The following PDGFD variants were observed in gnomAD, a reference collection of about 807,000 sequenced individuals.
The protein encoded by PDGFD is platelet derived growth factor D, also known as platelet-derived growth factor D.
PDGFD carries 30 observed loss-of-function variants against 44.7 expected under a neutral mutation model. The ratio of observed to expected loss-of-function variants is 0.67; its 90% CI spans 0.50 to 0.91. The LOEUF is 0.91. Ranked by LOEUF, PDGFD falls within the 40% of genes least tolerant of loss-of-function variation. PDGFD has a pLI of 0.00. For synonymous variants in PDGFD, 173 were observed against 168.4 expected (o/e 1.03, Z -0.21); for missense variants, 445 against 457.8 (o/e 0.97, Z 0.25).
At chr11:103,985,896 A>G (rs1311851335) in intron 3 of PDGFD, among the ~76,000 whole-genome samples, 1 of 152,116 alleles carries the variant, frequency 6.6e-6, no homozygotes, top group Non-Finnish European at 1.5e-5. Flanking sequence ...TCAGGAAGTG[A>G]TTAGCCGGGC....
rs552488030 is a variant in PDGFD at position 104,114,880 on chromosome 11, T to G, written c.124+48924A>C. On this transcript the variant is annotated intron_variant, in intron 1 of 6. Transcript: ENST00000393158. ...TAATTTAAATCATAACATTTTTAGG[T>G]TTTTTTTTTTGTTTTTTCAAATTTT... Among the ~76,000 whole-genome samples the G allele has an allele frequency of 5.0e-4, 69 of 139,288 alleles. 1 individual carries two copies. In the South Asian group the frequency reaches 0.011, roughly 22 times the overall value. The allele number at this position is 139,288 out of a possible 152,430, so 91.4% of individuals were successfully genotyped here. A position where few individuals can be genotyped will look rare whatever the true frequency, so the allele number is the denominator to read the frequency against.
intron 1 of PDGFD, among the ~76,000 whole-genome samples, chr11:104,005,325 G>A (rs1254634688): frequency 6.6e-6 from 1 of 152,144 alleles, no homozygotes; most frequent in African/African-American, 2.4e-5. Context: ...CTGTACTATA[G>A]AAAGTGTTCT....
chr11:104,107,923 T>G (rs997231626), intron 1 of PDGFD, among the ~76,000 whole-genome samples: 1 of 152,128 alleles, frequency 6.6e-6, no homozygotes, highest in Non-Finnish European at 1.5e-5. Flanking sequence ...CATCATTAAT[T>G]TAACTAAGAG....
intron 5 of PDGFD, among the ~76,000 whole-genome samples, chr11:103,929,798 T>C (rs1858372142): frequency 6.6e-6 from 1 of 152,174 alleles, no homozygotes; most frequent in Non-Finnish European, 1.5e-5. Context: ...AGAAGACTGA[T>C]AAGCCAGTGC....
chr11:104,018,497 T>A (rs1369895822), intron 1 of PDGFD, among the ~76,000 whole-genome samples: 2 of 152,210 alleles, frequency 1.3e-5, no homozygotes, highest in Non-Finnish European at 2.9e-5. Flanking sequence ...AGTTTCGAAG[T>A]CAGAATTCAC....
At position 104,146,422 on chromosome 11, in the gene PDGFD, G is replaced by T. The variant is rs117394267; in HGVS notation, c.124+17382C>A. On this transcript the variant is annotated intron_variant, in intron 1 of 6. Transcript: ENST00000393158. ...CAATGTGGTTAATCCTGCTCTTAGG[G>T]TACTGGAGCTCCCGCTGCACTAAAT... 8.7e-3 allele frequency among the ~76,000 whole-genome samples: 1,323 copies of T among 152,222 alleles called. 13 individuals carry two copies. Among genetic ancestry groups the T allele is most frequent in the Middle Eastern group, 0.041 (12 of 294 alleles).
At position 104,084,937 on chromosome 11, in the gene PDGFD, C is replaced by T. The variant is rs1310678866; in HGVS notation, c.124+78867G>A. Among the ~76,000 whole-genome samples, 5 of 105,104 alleles carry T rather than the reference C, an allele frequency of 4.8e-5. No individual in the cohort carries two copies. The East Asian group carries it at 1.5e-3, about 32-fold the overall frequency. 69.0% of individuals were successfully genotyped at this position (105,104 alleles called of 152,430 possible). On this transcript the variant is annotated intron_variant, in intron 1 of 6. Coordinates refer to ENST00000393158, the MANE Select transcript of PDGFD (RefSeq NM_025208.5). ...TTATCATATATATGAATTACATATA[C>T]ATATATCACATATAAATAAATAAAA...
chr11:104,136,873 C>T (rs148235539), intron 1 of PDGFD, among the ~76,000 whole-genome samples: 1 of 152,298 alleles, frequency 6.6e-6, no homozygotes, highest in African/African-American at 2.4e-5. Context: ...ACATTTGGGT[C>T]AACTCCCTTG....
At chr11:103,948,333 T>C (rs1858692785) in intron 3 of PDGFD, among the ~76,000 whole-genome samples, 2 of 152,124 alleles carry the variant, frequency 1.3e-5, no homozygotes, top group African/African-American at 4.8e-5. Context: ...AGTGACTAAG[T>C]ACTGCCCATT....
chr11:103,990,784 T>G (rs1384493048), intron 3 of PDGFD, among the ~76,000 whole-genome samples: 1 of 152,086 alleles, frequency 6.6e-6, no homozygotes, highest in African/African-American at 2.4e-5. Context: ...TAAAATACCA[T>G]GGGTGTTCCG....
intron 3 of PDGFD, among the ~76,000 whole-genome samples, chr11:103,955,636 AC>A: frequency 6.6e-6 from 1 of 152,352 alleles, no homozygotes; most frequent in South Asian, 2.1e-4. Context: ...AATATTTAAT[AC>A]AAGGATATCA....
intron 5 of PDGFD, among the ~76,000 whole-genome samples, chr11:103,932,184 AG>A (rs971562905): frequency 9.1e-4 from 137 of 150,124 alleles, no homozygotes; most frequent in African/African-American, 3.0e-3. Context: ...GTTCAACATG[AG>A]TTTTTTTTTT....
chr11:104,066,957 T>A (rs1308149470), intron 1 of PDGFD, among the ~76,000 whole-genome samples: 2 of 152,216 alleles, frequency 1.3e-5, no homozygotes, highest in East Asian at 1.9e-4. Flanking sequence ...ATTCTTCTAA[T>A]AGTTATTGTG....
Position 103,929,263 on chromosome 11 carries a change from A to G in PDGFD, c.773-2137T>C, listed in dbSNP as rs558207127. ...CCATAGTCTCTGTCACTTTAAGCAG[A>G]ATAGAGGGATGGTCAGTAAGCCATT... On this transcript the variant is annotated intron_variant, in intron 5 of 6. Transcript: ENST00000393158. Among the ~76,000 whole-genome samples, 3 of 152,268 alleles carry G rather than the reference A, an allele frequency of 2.0e-5. No individual in the cohort carries two copies. In the East Asian group the frequency reaches 5.8e-4, roughly 29 times the overall value.
At chr11:103,983,037 T>A (rs995753287) in intron 3 of PDGFD, among the ~76,000 whole-genome samples, 19 of 151,794 alleles carry the variant, frequency 1.3e-4, no homozygotes, top group Non-Finnish European at 2.4e-4. Flanking sequence ...AAATTACCAC[T>A]GACATTCTTC....
At position 103,949,003 on chromosome 11, in the gene PDGFD, T is replaced by A. The variant is rs1405425158; in HGVS notation, c.511-1279A>T. 5.7e-4 allele frequency among the ~76,000 whole-genome samples: 79 copies of A among 139,058 alleles called. 1 individual carries two copies. The highest frequency in any genetic ancestry group is 2.1e-3 in the African/African-American group (77 of 37,196). The allele number at this position is 139,058 out of a possible 152,430, so 91.2% of individuals were successfully genotyped here. A position where few individuals can be genotyped will look rare whatever the true frequency, so the allele number is the denominator to read the frequency against. ...CATCATTATTTTAGTCACTTTTTTT[T>A]TTTTTTTTTTTTTTTTTGAGACCGA... On this transcript the variant is annotated intron_variant, in intron 3 of 6. Transcript: ENST00000393158.
chr11:104,030,658 T>A (rs1422241508), intron 1 of PDGFD, among the ~76,000 whole-genome samples: 4 of 152,206 alleles, frequency 2.6e-5, no homozygotes, highest in African/African-American at 7.2e-5. Flanking sequence ...CATTTGGTTA[T>A]AGATCCACCA....
At chr11:104,128,730 T>C (rs1861874882) in intron 1 of PDGFD, among the ~76,000 whole-genome samples, 1 of 152,128 alleles carries the variant, frequency 6.6e-6, no homozygotes, top group African/African-American at 2.4e-5. Flanking sequence ...TATTGACCTT[T>C]AAAATGAGGG....
At chr11:104,049,671 A>T (rs1459226989) in intron 1 of PDGFD, among the ~76,000 whole-genome samples, 1 of 152,162 alleles carries the variant, frequency 6.6e-6, no homozygotes, top group Non-Finnish European at 1.5e-5. Context: ...CCCAAGAAAG[A>T]TAAACCAATG....
Sources: gnomAD v4.1 joint callset for allele counts (sites outside exome capture counted in the v4.1 genomes callset) on GRCh38, gnomAD v4.1.1 for gene constraint, MANE v1.5 for transcripts, NCBI Gene and HGNC (gene_info 2026-07-23, HGNC 2026-07-21) for gene names.